The following BPNT2 variants were observed in gnomAD, a reference collection of about 807,000 sequenced individuals.
BPNT2 encodes 3'(2'), 5'-bisphosphate nucleotidase 2.
BPNT2 carries 11 observed loss-of-function variants against 29.3 expected under a neutral mutation model. That is an observed-to-expected ratio of 0.38 (90% CI 0.24 to 0.62). The LOEUF is 0.62. BPNT2 is among the 20% of genes least tolerant of loss of function. BPNT2 has a pLI of 0.62. For synonymous variants in BPNT2, 195 were observed against 187.7 expected (o/e 1.04, Z -0.32); for missense variants, 459 against 473.4 (o/e 0.97, Z 0.28).
rs138968867 is a variant in BPNT2 at position 56,984,834 on chromosome 8, T to A, written c.388-4637A>T. Among the ~76,000 whole-genome samples, 1,157 of 152,304 alleles carry A rather than the reference T, an allele frequency of 7.6e-3. 11 individuals carry two copies. The highest frequency in any genetic ancestry group is 0.023 in the African/African-American group (954 of 41,572). On this transcript the variant is annotated intron_variant, in intron 1 of 4. Transcript: ENST00000262644. Reference sequence around the variant, plus strand: ...ATAATCTACAACATTAAGTTCCAGATGATCTGGGTAATGACAGCAGTAAGT... The same window carrying A: ...ATAATCTACAACATTAAGTTCCAGAAGATCTGGGTAATGACAGCAGTAAGT...
Position 56,958,104 on chromosome 8 carries a change from G to C in BPNT2, c.*5689C>G, listed in dbSNP as rs531529689. ...AACTTTTAAAAACAATTTAGTATGTGGGGGGGTGATAATCATAAATATTTG... is the reference window on the plus strand; with the variant it reads ...AACTTTTAAAAACAATTTAGTATGTCGGGGGGTGATAATCATAAATATTTG... On this transcript the variant is annotated 3_prime_UTR_variant, in exon 5 of 5. Transcript: ENST00000262644. 1.4e-5 allele frequency: 2 copies of C among 147,668 alleles called. No individual in the cohort carries two copies. The highest frequency in any genetic ancestry group is 3.1e-5 in the Non-Finnish European group (2 of 64,788). The allele number at this position is 147,668 out of a possible 1,614,324, so 9.1% of individuals were successfully genotyped here.
At chr8:56,988,056 A>G (rs1056036311) in intron 1 of BPNT2, among the ~76,000 whole-genome samples, 1 of 152,152 alleles carries the variant, frequency 6.6e-6, no homozygotes, top group Non-Finnish European at 1.5e-5. Context: ...ACATATAAAT[A>G]AACGTACCTC....
In BPNT2 at chr8:56,966,272, G is replaced by C; in HGVS notation, c.727C>G (p.Arg243Gly). ...TGTTTGACCATCCCTGAATGGGAAC[G>C]AGACACAACGATCCTTGGGGTCTTC... ...NEKTPRIVVS[R>G]SHSGMVKQVA... The change falls in exon 4 of 5, where the codon CGT becomes GGT. Residue 243 changes from arginine (R) to glycine (G), a missense_variant. Coordinates refer to ENST00000262644, the MANE Select transcript of BPNT2 (RefSeq NM_017813.5). 2 of 1,613,848 alleles carry C rather than the reference G, an allele frequency of 1.2e-6. No individual in the cohort carries two copies. Among genetic ancestry groups the C allele is most frequent in the Non-Finnish European group, 8.5e-7 (1 of 1,179,748 alleles).
At chr8:56,984,338 A>C (rs1806294711) in intron 1 of BPNT2, among the ~76,000 whole-genome samples, 1 of 152,218 alleles carries the variant, frequency 6.6e-6, no homozygotes, top group South Asian at 2.1e-4. Context: ...CAACCACTAC[A>C]TACCTACAAA....
rs551068658 is a variant in BPNT2, at chr8:56,964,105, T to C, written c.809-41A>G. Reference sequence around the variant, plus strand: ...AGAATTTAGGTTATTATTCAAAAAATTTTAAGAAAGTAGCATACTTTTTTG... The same window carrying C: ...AGAATTTAGGTTATTATTCAAAAAACTTTAAGAAAGTAGCATACTTTTTTG... On this transcript the variant is annotated intron_variant, in intron 4 of 4. Transcript: ENST00000262644. 6 of 1,452,710 alleles carry C rather than the reference T, an allele frequency of 4.1e-6. No homozygotes were observed. In the Admixed American group the frequency reaches 9.9e-5, roughly 24 times the overall value. The allele number at this position is 1,452,710 out of a possible 1,614,324, so 90.0% of individuals were successfully genotyped here.
At chr8:56,978,473 G>A (rs1806183210) in intron 2 of BPNT2, among the ~76,000 whole-genome samples, 1 of 152,128 alleles carries the variant, frequency 6.6e-6, no homozygotes, top group South Asian at 2.1e-4. Context: ...AAGCCACTGT[G>A]GTAGACAGTG....
intron 1 of BPNT2, among the ~76,000 whole-genome samples, chr8:56,989,201 G>A (rs1244872978): frequency 4.0e-5 from 6 of 150,362 alleles, no homozygotes; most frequent in South Asian, 2.1e-4. Flanking sequence ...GTGAAACCCC[G>A]TCTCTACTAA....
intron 1 of BPNT2, among the ~76,000 whole-genome samples, chr8:56,985,275 T>C (rs1167381319): frequency 6.6e-6 from 1 of 152,076 alleles, no homozygotes; most frequent in African/African-American, 2.4e-5. Context: ...AATAAATACA[T>C]CTTAACTGAC....
chr8:56,982,927 T>C (rs1806268228), intron 1 of BPNT2, among the ~76,000 whole-genome samples: 1 of 152,196 alleles, frequency 6.6e-6, no homozygotes, highest in Non-Finnish European at 1.5e-5. Context: ...GAATAAAGTA[T>C]TGATCATGCT....
chr8:56,968,547 A>G (rs1216841533), intron 3 of BPNT2, among the ~76,000 whole-genome samples: 2 of 152,196 alleles, frequency 1.3e-5, no homozygotes, highest in African/African-American at 4.8e-5. Flanking sequence ...GCTTGTGCCT[A>G]TAATCCTAGT....
intron 1 of BPNT2, among the ~76,000 whole-genome samples, chr8:56,980,728 T>C (rs944672295): frequency 6.7e-6 from 1 of 148,448 alleles, no homozygotes; most frequent in Non-Finnish European, 1.5e-5. Context: ...GAAATATAAG[T>C]AGAGGAAGGG....
chr8:56,991,425 G>A (rs1473605430), intron 1 of BPNT2, among the ~76,000 whole-genome samples: 1 of 152,142 alleles, frequency 6.6e-6, no homozygotes, highest in Admixed American at 6.5e-5. Context: ...TAATAAATGA[G>A]AATGCACACA....
At chr8:56,971,692 G>A (rs1462981776) in intron 3 of BPNT2, among the ~76,000 whole-genome samples, 1 of 151,432 alleles carries the variant, frequency 6.6e-6, no homozygotes. Flanking sequence ...TACATACGTA[G>A]TGCCATTCAC....
chr8:56,972,051 C>T (rs1250776401), intron 3 of BPNT2, among the ~76,000 whole-genome samples: 4 of 150,672 alleles, frequency 2.7e-5, no homozygotes, highest in East Asian at 3.9e-4. Flanking sequence ...GCTGAGATCA[C>T]GCCACTGCAC....
At position 56,986,992 on chromosome 8, in the gene BPNT2, C is replaced by T. The variant is rs538023983; in HGVS notation, c.387+6207G>A. Among the ~76,000 whole-genome samples the T allele has an allele frequency of 3.9e-5, 6 of 152,216 alleles. 1 individual carries two copies. The highest frequency in any genetic ancestry group is 1.3e-4 in the Admixed American group (2 of 15,288). On this transcript the variant is annotated intron_variant, in intron 1 of 4. Transcript: ENST00000262644. ...ACATATACACACACATATACATATA[C>T]ATATAATACATATACACACATAAGT...
Position 56,993,248 on chromosome 8 carries a change from G to A in BPNT2, c.338C>T (p.Ser113Phe). 1 of 1,608,444 alleles carries A rather than the reference G, an allele frequency of 6.2e-7. No homozygotes were observed. The highest frequency in any genetic ancestry group is 2.2e-5 in the East Asian group (1 of 44,832). ...GAGCAGGTAGAACATCTTGCGGTTG[G>A]ACAGCACGTCGCCGCTGGTCATCTT... ...EDKMTSGDVL[S>F]NRKMFYLLKT... is the part of the protein sequence containing the mutation. Residue 113 changes from serine (S) to phenylalanine (F), a missense_variant, in exon 1 of 5, where the codon TCC becomes TTC. Coordinates refer to ENST00000262644, the MANE Select transcript of BPNT2 (RefSeq NM_017813.5).
chr8:56,992,530 T>C (rs947183422), intron 1 of BPNT2, among the ~76,000 whole-genome samples: 2 of 152,200 alleles, frequency 1.3e-5, no homozygotes, highest in Non-Finnish European at 2.9e-5. Context: ...CCAAATGTTA[T>C]TTAATTCTTA....
At chr8:56,988,578 T>C (rs1189765832) in intron 1 of BPNT2, among the ~76,000 whole-genome samples, 1 of 152,232 alleles carries the variant, frequency 6.6e-6, no homozygotes, top group African/African-American at 2.4e-5. Context: ...TCATTATCCT[T>C]GGTTCTAGGC....
chr8:56,973,391 A>T (rs1387492683), intron 3 of BPNT2, among the ~76,000 whole-genome samples: 1 of 152,214 alleles, frequency 6.6e-6, no homozygotes, highest in East Asian at 1.9e-4. Context: ...AAAATCATTC[A>T]AAGTCTGGAA....
Sources: gnomAD v4.1 joint callset for allele counts (sites outside exome capture counted in the v4.1 genomes callset) on GRCh38, gnomAD v4.1.1 for gene constraint, MANE v1.5 for transcripts, NCBI Gene and HGNC (gene_info 2026-07-23, HGNC 2026-07-21) for gene names.